The following RAD51C variants were observed in gnomAD, a reference collection of about 807,000 sequenced individuals.
RAD51C encodes DNA repair protein RAD51 homolog 3.
RAD51C carries 42 observed loss-of-function variants against 45.0 expected under a neutral mutation model. The ratio of observed to expected loss-of-function variants is 0.93; its 90% CI spans 0.73 to 1.21. The LOEUF is 1.21. Among genes scored for constraint, RAD51C ranks in the 50% most tolerant of loss-of-function variants. RAD51C has a pLI of 0.00. For missense variants in RAD51C, 474 were observed against 452.2 expected, an observed-to-expected ratio of 1.05 and a Z score of -0.44; for synonymous variants, 172 against 159.8, an observed-to-expected ratio of 1.08 and a Z score of -0.58.
At position 58,694,999 on chromosome 17, in the gene RAD51C, A is replaced by G. The variant is rs775224480; in HGVS notation, c.214A>G (p.Lys72Glu). ...QIIRRECLTNKPRYAGTSESH... is the reference protein window; with the variant it reads ...QIIRRECLTNEPRYAGTSESH... ...TATCAGAAGAGAATGTCTCACAAATAAACCAAGATATGCTGGTACATCTGA... is the reference window on the plus strand; with the variant it reads ...TATCAGAAGAGAATGTCTCACAAATGAACCAAGATATGCTGGTACATCTGA... Residue 72 changes from lysine (K) to glutamate (E), a missense_variant, in exon 2 of 9, where the codon AAA (lysine) becomes GAA (glutamate). Coordinates refer to ENST00000337432, the MANE Select transcript of RAD51C (RefSeq NM_058216.3). 4 of 1,614,156 alleles carry G rather than the reference A, an allele frequency of 2.5e-6. No individual in the cohort carries two copies. The highest frequency in any genetic ancestry group is 3.4e-6 in the Non-Finnish European group (4 of 1,180,002).
At chr17:58,693,689 A>G (rs966969116) in intron 1 of RAD51C, 1 of 152,152 alleles carries the variant, frequency 6.6e-6, no homozygotes, top group Non-Finnish European at 1.5e-5. Context: ...ACAACTATTG[A>G]CTACTTTAGA....
rs2143724700 is a variant in RAD51C at position 58,695,111 on chromosome 17, A to G, written c.326A>G (p.Asp109Gly). ...FIITFCSALDDILGGGVPLMK... is the reference protein window; with the variant it reads ...FIITFCSALDGILGGGVPLMK... Reference sequence around the variant, plus strand: ...ATCACCTTCTGTTCAGCACTAGATGATATTCTTGGGGGTGGAGTGCCCTTA... The same window carrying G: ...ATCACCTTCTGTTCAGCACTAGATGGTATTCTTGGGGGTGGAGTGCCCTTA... The change falls in exon 2 of 9, where the codon GAT becomes GGT. Residue 109 changes from aspartate to glycine, a missense_variant. Transcript: ENST00000337432. 6.2e-7 allele frequency: 1 copy of G among 1,614,090 alleles called. No individual in the cohort carries two copies. Among genetic ancestry groups the G allele is most frequent in the East Asian group, 2.2e-5 (1 of 44,864 alleles).
At chr17:58,730,715 A>G (rs1225443600) in intron 7 of RAD51C, among the ~76,000 whole-genome samples, 3 of 152,126 alleles carry the variant, frequency 2.0e-5, no homozygotes, top group South Asian at 2.1e-4. Flanking sequence ...AATGACCCTT[A>G]TAACTCTGAG....
intron 1 of RAD51C, chr17:58,693,973 A>G (rs1049927679): frequency 6.6e-6 from 1 of 152,194 alleles, no homozygotes; most frequent in Non-Finnish European, 1.5e-5. Context: ...TATCAAACTG[A>G]TAAGTGATGT....
At chr17:58,723,849 G>T (rs1258651978) in intron 6 of RAD51C, among the ~76,000 whole-genome samples, 191 bp from the exon 7 acceptor site, 1 of 152,074 alleles carries the variant, frequency 6.6e-6, no homozygotes, top group Non-Finnish European at 1.5e-5. Context: ...ATAATGATTT[G>T]CAGTATTTCC....
intron 3 of RAD51C, among the ~76,000 whole-genome samples, chr17:58,698,930 A>G (rs1176371356): frequency 6.6e-6 from 1 of 151,896 alleles, no homozygotes; most frequent in Non-Finnish European, 1.5e-5. Flanking sequence ...CTCAAAAAAA[A>G]AAAAGGAAAT....
chr17:58,710,652 G>A (rs1340097118), intron 5 of RAD51C, among the ~76,000 whole-genome samples: 1 of 152,028 alleles, frequency 6.6e-6, no homozygotes, highest in African/African-American at 2.4e-5. Context: ...ATTATTATGT[G>A]GTATGTAATC....
At chr17:58,724,145 A>T in intron 7 of RAD51C, 45 bp downstream of exon 7, 2 of 1,535,336 alleles carry the variant, frequency 1.3e-6, no homozygotes, top group Non-Finnish European at 1.8e-6. Flanking sequence ...TGGGTTAATT[A>T]TACTGAATGA....
chr17:58,692,693 T>G lies in RAD51C; in HGVS notation c.50T>G (p.Phe17Cys), dbSNP rs1411454855. The change falls in exon 1 of 9, where the codon TTC (phenylalanine) becomes TGC (cysteine). Residue 17 changes from phenylalanine to cysteine, a missense_variant. Phe to Cys is a radical substitution (Grantham distance 205). Transcript: ENST00000337432. Reference protein sequence around the residue: ...RFEMQRDLVSFPLSPAVRVKL... With the variant: ...RFEMQRDLVSCPLSPAVRVKL... Reference sequence around the variant, plus strand: ...GAAATGCAGCGGGATTTGGTGAGTTTCCCGCTGTCTCCAGCGGTGCGGGTG... The same window carrying G: ...GAAATGCAGCGGGATTTGGTGAGTTGCCCGCTGTCTCCAGCGGTGCGGGTG... 1 of 1,614,228 alleles carries G rather than the reference T, an allele frequency of 6.2e-7. No individual in the cohort carries two copies. The highest frequency in any genetic ancestry group is 8.5e-7 in the Non-Finnish European group (1 of 1,180,038).
At chr17:58,724,723 A>G (rs1326593064) in intron 7 of RAD51C, among the ~76,000 whole-genome samples, 3 of 152,170 alleles carry the variant, frequency 2.0e-5, no homozygotes, top group Non-Finnish European at 4.4e-5. Flanking sequence ...TATTTTCTTG[A>G]AAATAGACCA....
At position 58,695,133 on chromosome 17, in the gene RAD51C, C is replaced by T. The variant is rs2047955792; in HGVS notation, c.348C>T (p.Pro116=). 1.2e-6 allele frequency: 2 copies of T among 1,613,870 alleles called. No individual in the cohort carries two copies. Among genetic ancestry groups the T allele is most frequent in the South Asian group, 1.1e-5 (1 of 91,018 alleles). The change falls in exon 2 of 9, where the codon CCC becomes CCT. Residue 116 remains proline, a synonymous_variant. Transcript: ENST00000337432. ...ALDDILGGGV[P]LMKTTEICGA... ...ATGATATTCTTGGGGGTGGAGTGCC[C>T]TTAATGAAAACAACAGAAATTTGTG...
intron 7 of RAD51C, among the ~76,000 whole-genome samples, chr17:58,726,805 T>A (rs2049171907): frequency 6.6e-6 from 1 of 152,020 alleles, no homozygotes; most frequent in Non-Finnish European, 1.5e-5. Context: ...ATCTACATTT[T>A]ATAGCTGACT....
At chr17:58,715,335 T>C (rs1032295343) in intron 5 of RAD51C, among the ~76,000 whole-genome samples, 3 of 149,578 alleles carry the variant, frequency 2.0e-5, no homozygotes, top group Non-Finnish European at 2.9e-5. Flanking sequence ...GTGCCTGTAA[T>C]CCCAGCTACT....
intron 6 of RAD51C, among the ~76,000 whole-genome samples, chr17:58,723,164 G>A (rs1598508654): frequency 6.6e-6 from 1 of 152,126 alleles, no homozygotes; most frequent in Middle Eastern, 3.4e-3. Context: ...TAAAAGTCTT[G>A]TGTTTCAGGA....
rs1390237532 is a variant in RAD51C at position 58,720,774 on chromosome 17, A to G, written c.866A>G (p.Lys289Arg). The G allele has an allele frequency of 6.2e-7, 1 of 1,612,778 alleles. No homozygotes were observed. Among genetic ancestry groups the G allele is most frequent in the Admixed American group, 1.7e-5 (1 of 60,022 alleles). ...AVILTNQMTT[K>R]IDRNQALLVP... ...ATTTTAACCAATCAGATGACAACAA[A>G]GATTGATAGAAATCAGGCCTTGCTT... Residue 289 changes from lysine (K) to arginine (R), a missense_variant, in exon 6 of 9, where the codon AAG becomes AGG. Coordinates refer to ENST00000337432, the MANE Select transcript of RAD51C (RefSeq NM_058216.3).
intron 5 of RAD51C, among the ~76,000 whole-genome samples, chr17:58,710,837 A>G (rs1011369866): frequency 6.6e-6 from 1 of 151,912 alleles, no homozygotes; most frequent in South Asian, 2.1e-4. Context: ...CTTGTTTGCC[A>G]TTACTTCCCA....
chr17:58,728,267 A>C (rs1382326826), intron 7 of RAD51C, among the ~76,000 whole-genome samples: 2 of 151,944 alleles, frequency 1.3e-5, no homozygotes, highest in Non-Finnish European at 1.5e-5. Flanking sequence ...AGTTGCATGA[A>C]ATTTTGTATG....
At chr17:58,692,574 A>G (rs2047788481), upstream of RAD51C, 1 of 1,591,174 alleles carries the variant, frequency 6.3e-7, no homozygotes, top group Non-Finnish European at 8.5e-7. Flanking sequence ...TTTACGTCTG[A>G]CGTCACGCCG....
chr17:58,732,408 A>T (rs2144042437), intron 7 of RAD51C, 76 bp from the exon 8 acceptor site: 4 of 1,213,106 alleles, frequency 3.3e-6, no homozygotes, highest in Non-Finnish European at 3.7e-6. Context: ...ACATTTAAAT[A>T]ATGAGTTTGG....
Sources: gnomAD v4.1 joint callset for allele counts (sites outside exome capture counted in the v4.1 genomes callset) on GRCh38, gnomAD v4.1.1 for gene constraint, MANE v1.5 for transcripts, NCBI Gene and HGNC (gene_info 2026-07-23, HGNC 2026-07-21) for gene names.